The following TRERF1 variants were observed in gnomAD, a reference collection of about 807,000 sequenced individuals.
The protein encoded by TRERF1 is transcriptional-regulating factor 1.
Under a neutral mutation model 122.9 loss-of-function variants are expected in TRERF1, and 27 were observed. The observed-to-expected ratio is 0.22, with a 90% CI of 0.16 to 0.30. The LOEUF (loss-of-function observed/expected upper bound fraction) is 0.30, where lower values mean the gene tolerates loss of function less well. TRERF1 is among the 10% of genes least tolerant of loss of function. The pLI is 1.00. For missense variants in TRERF1, 1,248 were observed against 1,560.3 expected (o/e 0.80, Z 3.37); for synonymous variants, 636 against 641.7 (o/e 0.99, Z 0.13).
At chr6:42,444,869 C>T (rs976908552) in intron 2 of TRERF1, among the ~76,000 whole-genome samples, 5 of 152,280 alleles carry the variant, frequency 3.3e-5, no homozygotes, top group Admixed American at 1.3e-4. Context: ...ACGGGCTGTC[C>T]GCAGCTCCTC....
At position 42,275,643 on chromosome 6, in the gene TRERF1, G is replaced by A. The variant is rs1016201546; in HGVS notation, c.-258-5795C>T. Among the ~76,000 whole-genome samples, 1 of 152,250 alleles carries A rather than the reference G, an allele frequency of 6.6e-6. No homozygotes were observed. The highest frequency in any genetic ancestry group is 1.5e-5 in the Non-Finnish European group (1 of 68,046). ...CTGCGCTAGGCAAAGGAGACCTAGAGTGGCTTGTTCCCCTCTGCAGGTCCC... is the reference window on the plus strand; with the variant it reads ...CTGCGCTAGGCAAAGGAGACCTAGAATGGCTTGTTCCCCTCTGCAGGTCCC... On this transcript the variant is annotated intron_variant, in intron 4 of 17. Coordinates refer to ENST00000372922, the Ensembl canonical transcript of TRERF1. This position sits in a 1 kb window ranked among gnomAD's most constrained non-coding sequence, Gnocchi z 4.1.
intron 3 of TRERF1, among the ~76,000 whole-genome samples, chr6:42,304,253 C>T (rs1786748690): frequency 6.6e-6 from 1 of 152,228 alleles, no homozygotes; most frequent in Admixed American, 6.5e-5. Flanking sequence ...CATGCAATTT[C>T]ATGCATAGCA....
intron 3 of TRERF1, among the ~76,000 whole-genome samples, chr6:42,305,220 C>T (rs1786975682): frequency 6.6e-6 from 1 of 152,174 alleles, no homozygotes; most frequent in Admixed American, 6.5e-5. Flanking sequence ...TTTATCCCAT[C>T]ACCCTGCCTC....
intron 2 of TRERF1, among the ~76,000 whole-genome samples, chr6:42,390,679 C>T (rs1326055589): frequency 6.6e-6 from 1 of 152,156 alleles, no homozygotes; most frequent in East Asian, 1.9e-4. Context: ...CACAACCGCC[C>T]GGCCCTCAGG....
chr6:42,355,599 T>C (rs1770373215), intron 3 of TRERF1, among the ~76,000 whole-genome samples: 2 of 152,240 alleles, frequency 1.3e-5, no homozygotes, highest in African/African-American at 4.8e-5. Flanking sequence ...CAACAGTTTA[T>C]ATAACATAGG....
chr6:42,450,647 G>A lies in TRERF1; in HGVS notation c.-454+530C>T, dbSNP rs138887077. On this transcript the variant is annotated intron_variant, in intron 2 of 17. Transcript: ENST00000372922. Reference sequence around the variant, plus strand: ...CGCTGGTGAAGGAGTGGTTTGGTTGGTTTTTAATATCTGTTTCTTAAGACC... The same window carrying A: ...CGCTGGTGAAGGAGTGGTTTGGTTGATTTTTAATATCTGTTTCTTAAGACC... 4.9e-3 allele frequency among the ~76,000 whole-genome samples: 749 copies of A among 152,312 alleles called. 8 individuals are homozygous for A. Among genetic ancestry groups the A allele is most frequent in the African/African-American group, 0.017 (696 of 41,558 alleles).
At chr6:42,367,285 A>G (rs527377741) in intron 2 of TRERF1, among the ~76,000 whole-genome samples, 2 of 152,246 alleles carry the variant, frequency 1.3e-5, no homozygotes, top group African/African-American at 4.8e-5. Flanking sequence ...GCCACAGAGC[A>G]TTTCCCAGCA....
intron 3 of TRERF1, among the ~76,000 whole-genome samples, chr6:42,306,683 T>C (rs1333151128): frequency 2.6e-5 from 4 of 152,246 alleles, no homozygotes; most frequent in Non-Finnish European, 5.9e-5. Context: ...TCCCTCTGCC[T>C]GGGATGCCCT....
chr6:42,429,231 C>T lies in TRERF1; in HGVS notation c.-454+21946G>A, dbSNP rs148589765. 9.2e-3 allele frequency among the ~76,000 whole-genome samples: 1,395 copies of T among 152,286 alleles called. 18 individuals are homozygous for T. The highest frequency in any genetic ancestry group is 0.031 in the African/African-American group (1,290 of 41,542). ...TCTCCTTTCCTCTCCAGTCTGCTTC[C>T]TTTTTTCTTCCATCCTGAGCACTGG... is the stretch of plus-strand genomic sequence containing the variant. On this transcript the variant is annotated intron_variant, in intron 2 of 17. Transcript: ENST00000372922.
rs147080436 is a variant in TRERF1 at position 42,245,089 on chromosome 6, G to C, written c.2745+1367C>G. ...ACCTGAGGGAGTGAGGACAGTGCCCGTCCCAGAGAGCCCTGGGTTAAAACC... is the reference window on the plus strand; with the variant it reads ...ACCTGAGGGAGTGAGGACAGTGCCCCTCCCAGAGAGCCCTGGGTTAAAACC... On this transcript the variant is annotated intron_variant, in intron 14 of 17. Transcript: ENST00000372922. Among the ~76,000 whole-genome samples the C allele has an allele frequency of 4.6e-5, 7 of 152,342 alleles. No homozygotes were observed. The East Asian group carries it at 1.4e-3, about 29-fold the overall frequency.
At chr6:42,347,535 A>G (rs1185359546) in intron 3 of TRERF1, among the ~76,000 whole-genome samples, 2 of 152,186 alleles carry the variant, frequency 1.3e-5, no homozygotes, top group Non-Finnish European at 2.9e-5. Flanking sequence ...GAATGTAGAT[A>G]AGTAATGGAA....
rs1189627494 is a variant in TRERF1, at chr6:42,393,016, G to A, written c.-453-29937C>T. 1.3e-5 allele frequency among the ~76,000 whole-genome samples: 2 copies of A among 151,842 alleles called. No individual in the cohort carries two copies. The highest frequency in any genetic ancestry group is 4.8e-5 in the African/African-American group (2 of 41,244). ...CACTATGGCGTTTCAAGCTGCCGACGCGAGGGCCACTGGACATGGAGTTGG... is the reference window on the plus strand; with the variant it reads ...CACTATGGCGTTTCAAGCTGCCGACACGAGGGCCACTGGACATGGAGTTGG... On this transcript the variant is annotated intron_variant, in intron 2 of 17. Coordinates refer to ENST00000372922, the Ensembl canonical transcript of TRERF1. The surrounding 1 kb of genome is among the most constrained non-coding windows in gnomAD (Gnocchi z 4.1).
chr6:42,311,798 T>C (rs573082720), intron 3 of TRERF1, among the ~76,000 whole-genome samples: 3 of 136,972 alleles, frequency 2.2e-5, no homozygotes, highest in East Asian at 2.2e-4. Context: ...AAAGAGATCA[T>C]GGAGGGTTGT....
In TRERF1 at chr6:42,412,642, T is replaced by A. The variant is rs1272836717; in HGVS notation, c.-454+38535A>T. On this transcript the variant is annotated intron_variant, in intron 2 of 17. Coordinates refer to ENST00000372922, the Ensembl canonical transcript of TRERF1. ...AAATGGACCTACAAAGTCAGCTCAG[T>A]GGTGGGGCATGACGGCTCATGCCTG... Among the ~76,000 whole-genome samples the A allele has an allele frequency of 2.0e-5, 3 of 152,038 alleles. No homozygotes were observed. In the East Asian group the frequency reaches 5.8e-4, roughly 29 times the overall value.
intron 3 of TRERF1, among the ~76,000 whole-genome samples, chr6:42,360,803 C>T (rs1050616368): frequency 7.2e-5 from 9 of 124,840 alleles, no homozygotes; most frequent in Non-Finnish European, 1.3e-4. Flanking sequence ...AAAAAAAAAA[C>T]CTGGATGGTT....
intron 3 of TRERF1, among the ~76,000 whole-genome samples, chr6:42,307,187 G>T (rs1787416080): frequency 6.6e-6 from 1 of 152,064 alleles, no homozygotes; most frequent in Non-Finnish European, 1.5e-5. Flanking sequence ...CCTAAATGTT[G>T]TGTTCCACCC....
At chr6:42,406,380 G>A (rs1179463426) in intron 2 of TRERF1, among the ~76,000 whole-genome samples, 2 of 152,156 alleles carry the variant, frequency 1.3e-5, no homozygotes, top group East Asian at 3.9e-4. Context: ...TCTGGCCAGT[G>A]CCGATGACTC....
Position 42,243,244 on chromosome 6 carries a change from TCAC to T in TRERF1, c.2859+1_2859+3del. ...ACAAGCAACAACTTAGCAGCTTCAC[TCAC>T]CACACAATCGTCGATGATTTCTGCC... On this transcript the variant is annotated splice_donor_variant and splice_donor_region_variant and intron_variant, in intron 15 of 17. Transcript: ENST00000372922. LOFTEE classifies it high-confidence loss of function. 1 of 1,613,102 alleles carries T rather than the reference TCAC, an allele frequency of 6.2e-7. No individual in the cohort carries two copies. The highest frequency in any genetic ancestry group is 8.5e-7 in the Non-Finnish European group (1 of 1,179,142).
At chr6:42,323,065 GA>G (rs113799706) in intron 3 of TRERF1, among the ~76,000 whole-genome samples, 76 of 145,054 alleles carry the variant, frequency 5.2e-4, no homozygotes, top group East Asian at 2.2e-3. Flanking sequence ...CTATCTGAAT[GA>G]AAAAAAAAAA....
Sources: gnomAD v4.1 joint callset for allele counts (sites outside exome capture counted in the v4.1 genomes callset) on GRCh38, gnomAD v4.1.1 for gene constraint, Gnocchi (gnomAD v3.1) non-coding constraint, MANE v1.5 for transcripts, NCBI Gene and HGNC (gene_info 2026-07-23, HGNC 2026-07-21) for gene names.